The following MTUS1 variants were observed in gnomAD, a reference collection of about 807,000 sequenced individuals.
MTUS1 encodes the protein microtubule associated scaffold protein 1.
A neutral mutation model predicts 120.8 loss-of-function variants in MTUS1; 109 were observed. That is an observed-to-expected ratio of 0.90 (90% CI 0.77 to 1.06). The LOEUF (loss-of-function observed/expected upper bound fraction) is 1.06, where lower values mean the gene tolerates loss of function less well. Ranked by LOEUF, MTUS1 falls within the 50% of genes least tolerant of loss-of-function variation. The pLI, the probability that MTUS1 is intolerant of heterozygous loss-of-function variation, is 0.00. For synonymous variants in MTUS1, 737 were observed against 550.5 expected (o/e 1.34, Z -4.74); for missense variants, 2,210 against 1,486.3 (o/e 1.49, Z -8.01).
intron 1 of MTUS1, among the ~76,000 whole-genome samples, chr8:17,767,794 G>T (rs145484090): frequency 9.9e-5 from 15 of 151,728 alleles, no homozygotes; most frequent in Middle Eastern, 3.4e-3. Context: ...AAGAGCCAAC[G>T]GTTTGGTCAG....
intron 8 of MTUS1, among the ~76,000 whole-genome samples, chr8:17,665,065 T>G (rs1021446091): frequency 1.3e-5 from 2 of 152,216 alleles, no homozygotes; most frequent in African/African-American, 4.8e-5. Context: ...AGAGTTACTC[T>G]TATGCTTTGT....
chr8:17,646,394 C>A (rs1585364425), intron 14 of MTUS1, among the ~76,000 whole-genome samples: 1 of 152,024 alleles, frequency 6.6e-6, no homozygotes, highest in Admixed American at 6.6e-5. Context: ...TCAAGATCAA[C>A]TTGGGCAACA....
At position 17,645,951 on chromosome 8, in the gene MTUS1, G is replaced by C. The variant is rs760024677; in HGVS notation, c.3788C>G (p.Pro1263Arg). 3 of 1,612,398 alleles carry C rather than the reference G, an allele frequency of 1.9e-6. No homozygotes were observed. Among genetic ancestry groups the C allele is most frequent in the Non-Finnish European group, 8.5e-7 (1 of 1,179,804 alleles). Residue 1263 changes from proline to arginine, a missense_variant, in exon 15 of 15, where the codon CCT becomes CGT. Transcript: ENST00000693296. ...TCATCTGGGTGAAATGCTGGGGCTA[G>C]GGAAGGAGCCCGAATTCCTTGGTGA... ...LQSPRNSGSF[P>R]SPSISPR
intron 7 of MTUS1, among the ~76,000 whole-genome samples, chr8:17,683,165 G>A (rs1454560355): frequency 4.6e-5 from 7 of 152,078 alleles, no homozygotes; most frequent in African/African-American, 1.4e-4. Context: ...CCAGCTACTC[G>A]GGAGGCTGAG....
intron 6 of MTUS1, among the ~76,000 whole-genome samples, chr8:17,685,627 AG>A (rs879399835): frequency 3.9e-5 from 6 of 152,232 alleles, no homozygotes; most frequent in Non-Finnish European, 7.3e-5. Context: ...GATTGCTTAA[AG>A]AAACATCAGT....
chr8:17,648,043 G>A (rs181011970), intron 13 of MTUS1, among the ~76,000 whole-genome samples: 13 of 152,256 alleles, frequency 8.5e-5, no homozygotes, highest in African/African-American at 3.1e-4. Flanking sequence ...AGGATTCCCA[G>A]ATAAAACAAC....
chr8:17,727,584 T>C (rs757324675), intron 3 of MTUS1, among the ~76,000 whole-genome samples: 2 of 152,192 alleles, frequency 1.3e-5, no homozygotes, highest in Non-Finnish European at 2.9e-5. Flanking sequence ...AACATAGCAA[T>C]ATTAGGTTAA....
chr8:17,682,820 A>C (rs1272400261), intron 7 of MTUS1, among the ~76,000 whole-genome samples: 1 of 152,206 alleles, frequency 6.6e-6, no homozygotes, highest in Non-Finnish European at 1.5e-5. Context: ...GGTTATATAA[A>C]CACACTCTTG....
chr8:17,756,688 A>G (rs1180400512), intron 1 of MTUS1, among the ~76,000 whole-genome samples: 1 of 25,980 alleles, frequency 3.8e-5, no homozygotes, highest in Non-Finnish European at 9.6e-5. Context: ...CCCCTTATGT[A>G]ACTATGTTGG....
intron 2 of MTUS1, among the ~76,000 whole-genome samples, chr8:17,747,306 C>G (rs1225169095): frequency 6.6e-6 from 1 of 152,188 alleles, no homozygotes; most frequent in Non-Finnish European, 1.5e-5. Flanking sequence ...AATACCTGCC[C>G]TTCAAATTCC....
At chr8:17,687,363 A>G (rs1816041426) in intron 6 of MTUS1, among the ~76,000 whole-genome samples, 1 of 152,016 alleles carries the variant, frequency 6.6e-6, no homozygotes. Context: ...GACGCTCAAA[A>G]CCCCAAGGCT....
intron 1 of MTUS1, among the ~76,000 whole-genome samples, chr8:17,762,415 C>T (rs1295986607): frequency 1.3e-5 from 2 of 152,188 alleles, no homozygotes; most frequent in Non-Finnish European, 2.9e-5. Flanking sequence ...CTACTCTAAG[C>T]CTCAACTTCC....
At position 17,754,351 on chromosome 8, in the gene MTUS1, G is replaced by C; in HGVS notation, c.1457C>G (p.Thr486Arg). Residue 486 changes from threonine (T) to arginine (R), a missense_variant, in exon 2 of 15, where the codon ACG becomes AGG. Physicochemically the swap from Thr to Arg is moderately conservative, Grantham distance 71. Transcript: ENST00000693296. ...AACTTTGCAGCCTATTGGGGTATTC[G>C]TTTTGATTGTTGATTTTCCTAAACT... The part of the protein sequence containing the change: ...KPSLGKSTIK[T>R]NTPIGCKVRK... 1 of 1,614,028 alleles carries C rather than the reference G, an allele frequency of 6.2e-7. No homozygotes were observed. Among genetic ancestry groups the C allele is most frequent in the Non-Finnish European group, 8.5e-7 (1 of 1,180,008 alleles).
At chr8:17,766,125 G>C (rs750833672) in intron 1 of MTUS1, among the ~76,000 whole-genome samples, 11 of 152,190 alleles carry the variant, frequency 7.2e-5, no homozygotes, top group Non-Finnish European at 1.5e-4. Flanking sequence ...TGCCGATTTA[G>C]TGAATTTTTG....
At chr8:17,746,402 G>A (rs893984096) in intron 2 of MTUS1, among the ~76,000 whole-genome samples, 2 of 152,134 alleles carry the variant, frequency 1.3e-5, no homozygotes, top group Non-Finnish European at 2.9e-5. Flanking sequence ...CTGAGACTGG[G>A]TAATTTATAA....
rs748799767 is a variant in MTUS1, at chr8:17,646,188, A to G, written c.3600-49T>C. 6.4e-5 allele frequency: 96 copies of G among 1,498,258 alleles called. No individual in the cohort carries two copies. In the East Asian group the frequency reaches 2.3e-3, roughly 35 times the overall value. The allele number at this position is 1,498,258 out of a possible 1,614,324, so 92.8% of individuals were successfully genotyped here. On this transcript the variant is annotated intron_variant, in intron 14 of 14. Coordinates refer to ENST00000693296, the MANE Select transcript of MTUS1 (RefSeq NM_001363059.2). ...ATGAGATCTATGTAAAAAAAAAAAA[A>G]ACTTGAAAAATTTTTCTTAGCGTTT...
intron 3 of MTUS1, among the ~76,000 whole-genome samples, chr8:17,733,082 G>T (rs2046697038): frequency 6.6e-6 from 1 of 152,264 alleles, no homozygotes; most frequent in Non-Finnish European, 1.5e-5. Context: ...TGGGCACGGT[G>T]CCTCACGCCC....
At chr8:17,784,177 T>C (rs1268659968) in intron 1 of MTUS1, among the ~76,000 whole-genome samples, 1 of 152,186 alleles carries the variant, frequency 6.6e-6, no homozygotes, top group Non-Finnish European at 1.5e-5. Flanking sequence ...ATAGGCAAAA[T>C]GGCAGTGTGG....
chr8:17,647,281 T>A (rs567032129), intron 13 of MTUS1: 1 of 527,110 alleles, frequency 1.9e-6, no homozygotes, highest in African/African-American at 1.9e-5. Flanking sequence ...TTTTAAAACA[T>A]GTATGCCAGG....
Sources: gnomAD v4.1 joint callset for allele counts (sites outside exome capture counted in the v4.1 genomes callset) on GRCh38, gnomAD v4.1.1 for gene constraint, MANE v1.5 for transcripts, NCBI Gene and HGNC (gene_info 2026-07-23, HGNC 2026-07-21) for gene names.